SP2: variants seen among roughly 807,000 people sequenced by gnomAD.
The protein encoded by SP2 is Sp2 transcription factor, also known as transcription factor Sp2.
In SP2, 9 loss-of-function variants were observed where a neutral mutation model predicts 50.1. That is an observed-to-expected ratio of 0.18 (90% CI 0.11 to 0.31). The LOEUF (loss-of-function observed/expected upper bound fraction) is 0.31. Ranked by LOEUF, SP2 falls within the 10% of genes least tolerant of loss-of-function variation. The pLI is 1.00. For synonymous variants in SP2, 313 were observed against 326.6 expected (o/e 0.96, Z 0.45); for missense variants, 581 against 806.5 (o/e 0.72, Z 3.39).
intron 4 of SP2, 114 bp from the exon 5 acceptor site, chr17:47,924,805 C>A: frequency 3.3e-6 from 3 of 912,100 alleles, no homozygotes; most frequent in South Asian, 1.8e-5. Flanking sequence ...ATACAGCAGG[C>A]TCTCAAAAAT....
chr17:47,904,136 G>A (rs576246839), intron 1 of SP2, among the ~76,000 whole-genome samples: 1 of 150,692 alleles, frequency 6.6e-6, no homozygotes, highest in South Asian at 2.1e-4. Flanking sequence ...GTGGTGGCGG[G>A]CACCTGTAGT....
In SP2 at chr17:47,920,209, G is replaced by A. The variant is rs532565716; in HGVS notation, c.1060-2753G>A. 2.8e-3 allele frequency among the ~76,000 whole-genome samples: 432 copies of A among 152,064 alleles called. 3 individuals are homozygous for A. The highest frequency in any genetic ancestry group is 0.01 in the African/African-American group (420 of 41,482). On this transcript the variant is annotated intron_variant, in intron 3 of 6. Coordinates refer to ENST00000376741, the MANE Select transcript of SP2 (RefSeq NM_003110.6). ...CGGCTCTCTGCAACCTCCGCCTCCC[G>A]GGTTCAAGCGATTCTCCTGCCTCAG...
chr17:47,923,299 G>T, intron 4 of SP2, 25 bp downstream of exon 4: 6 of 1,573,432 alleles, frequency 3.8e-6, no homozygotes, highest in Non-Finnish European at 3.4e-6. Flanking sequence ...TGTGGCCAGG[G>T]TGTTGGCAGT....
intron 1 of SP2, chr17:47,899,634 G>A (rs2034461729): frequency 6.6e-6 from 1 of 152,206 alleles, no homozygotes. Flanking sequence ...TGCCTCTGGG[G>A]ACACTGAAAA....
intron 1 of SP2, among the ~76,000 whole-genome samples, chr17:47,913,874 C>G (rs16949418): frequency 6.6e-6 from 1 of 151,916 alleles, no homozygotes; most frequent in Admixed American, 6.5e-5. Flanking sequence ...AAAACTCAAC[C>G]GCTAGGAGAT....
At chr17:47,904,268 A>C (rs2034668195) in intron 1 of SP2, among the ~76,000 whole-genome samples, 1 of 151,658 alleles carries the variant, frequency 6.6e-6, no homozygotes, top group Non-Finnish European at 1.5e-5. Context: ...GTCCCAAAAA[A>C]AAAAAAAAAA....
In SP2 at chr17:47,916,752, C is replaced by A. The variant is rs2035222793; in HGVS notation, c.681C>A (p.Ala227=). The change falls in exon 3 of 7, where the codon GCC becomes GCA. Residue 227 remains alanine (A), a synonymous_variant. Transcript: ENST00000376741. This position sits in a 1 kb window ranked among gnomAD's most constrained non-coding sequence, Gnocchi z 4.7. ...TTGTGAACGCCAGTGACACCGGGGCCCCTACTCAGCTCCTCACTGAAAGCC... is the reference window on the plus strand; with the variant it reads ...TTGTGAACGCCAGTGACACCGGGGCACCTACTCAGCTCCTCACTGAAAGCC... The part of the protein sequence containing the change: ...NNLVNASDTG[A]PTQLLTESPP... 6.2e-7 allele frequency: 1 copy of A among 1,613,214 alleles called. No individual in the cohort carries two copies. The highest frequency in any genetic ancestry group is 1.1e-5 in the South Asian group (1 of 91,036).
At chr17:47,907,638 T>C (rs904364688) in intron 1 of SP2, among the ~76,000 whole-genome samples, 1 of 152,204 alleles carries the variant, frequency 6.6e-6, no homozygotes, top group African/African-American at 2.4e-5. Context: ...TGTTGTTAAG[T>C]GTTGGTTTCA....
Position 47,917,141 on chromosome 17 carries a change from C to T in SP2, c.1059+11C>T. 1 of 1,588,162 alleles carries T rather than the reference C, an allele frequency of 6.3e-7. No homozygotes were observed. Among genetic ancestry groups the T allele is most frequent in the Non-Finnish European group, 8.6e-7 (1 of 1,166,856 alleles). ...CCGACACCTACTCAGGTACCACACTCCCTGTACTGTCCTCCTTCTCCTCCT... is the reference window on the plus strand; with the variant it reads ...CCGACACCTACTCAGGTACCACACTTCCTGTACTGTCCTCCTTCTCCTCCT... On this transcript the variant is annotated intron_variant, in intron 3 of 6. Coordinates refer to ENST00000376741, the MANE Select transcript of SP2 (RefSeq NM_003110.6).
chr17:47,911,906 G>C (rs530365763), intron 1 of SP2, among the ~76,000 whole-genome samples: 1 of 152,052 alleles, frequency 6.6e-6, no homozygotes, highest in African/African-American at 2.4e-5. Flanking sequence ...ACCCCAGTTC[G>C]AGACACTTTG....
At chr17:47,924,804 G>T in intron 4 of SP2, 115 bp from the exon 5 acceptor site, 2 of 899,626 alleles carry the variant, frequency 2.2e-6, no homozygotes, top group South Asian at 3.7e-5. Context: ...CATACAGCAG[G>T]CTCTCAAAAA....
intron 4 of SP2, among the ~76,000 whole-genome samples, chr17:47,923,855 C>T (rs539572617): frequency 6.6e-6 from 1 of 152,030 alleles, no homozygotes; most frequent in Non-Finnish European, 1.5e-5. Context: ...ACGCCCACCA[C>T]CACGCCCGAC....
downstream of SP2, among the ~76,000 whole-genome samples, chr17:47,930,690 C>T (rs1193215401): frequency 1.3e-5 from 2 of 152,182 alleles, no homozygotes; most frequent in African/African-American, 2.4e-5. Flanking sequence ...AGTCTAAGCT[C>T]ACCCTAGGCA....
chr17:47,900,582 G>A (rs965074048), intron 1 of SP2, among the ~76,000 whole-genome samples: 2 of 152,170 alleles, frequency 1.3e-5, no homozygotes, highest in Admixed American at 6.5e-5. Flanking sequence ...TTCGAGACCA[G>A]CCTGGCTAAC....
At chr17:47,925,215 C>T (rs2035598934) in intron 5 of SP2, 122 bp downstream of exon 5, 1 of 1,424,718 alleles carries the variant, frequency 7.0e-7, no homozygotes, top group Non-Finnish European at 9.5e-7. Flanking sequence ...AGCTCTGTGC[C>T]ACCTTGCCCC....
Position 47,915,303 on chromosome 17 carries a change from T to C in SP2, c.8-9T>C. ...TTTATACATTACTCCATCTCTTTTC[T>C]TCCAACAGATCCACAGACCAGCATG... is the stretch of plus-strand genomic sequence containing the variant. On this transcript the variant is annotated splice_polypyrimidine_tract_variant and intron_variant, in intron 1 of 6. Transcript: ENST00000376741. 1 of 1,604,940 alleles carries C rather than the reference T, an allele frequency of 6.2e-7. No individual in the cohort carries two copies.
rs755041910 is a variant in SP2, at chr17:47,927,835, G to A, written c.*11G>A. 2.7e-5 allele frequency: 41 copies of A among 1,517,164 alleles called. No individual in the cohort carries two copies. Among genetic ancestry groups the A allele is most frequent in the Non-Finnish European group, 3.3e-5 (36 of 1,107,672 alleles). The allele number at this position is 1,517,164 out of a possible 1,614,324, so 94.0% of individuals were successfully genotyped here. A position where few individuals can be genotyped will look rare whatever the true frequency, so the allele number is the denominator to read the frequency against. The stretch of plus-strand genomic sequence containing the variant: ...ACGAAGAACTTGTAAGGCCAACTGC[G>A]GCGGGAGGCCCTGAAGATGCAGTCC... On this transcript the variant is annotated 3_prime_UTR_variant, in exon 7 of 7. Coordinates refer to ENST00000376741, the MANE Select transcript of SP2 (RefSeq NM_003110.6).
At chr17:47,925,587 C>G (rs763516510) in intron 6 of SP2, 46 bp downstream of exon 6, 16 of 1,484,844 alleles carry the variant, frequency 1.1e-5, no homozygotes, top group Non-Finnish European at 1.4e-5. Context: ...AGGTCAAATT[C>G]CTGCCTCTCC....
At chr17:47,912,333 C>G (rs967922935) in intron 1 of SP2, among the ~76,000 whole-genome samples, 2 of 152,210 alleles carry the variant, frequency 1.3e-5, no homozygotes, top group African/African-American at 4.8e-5. Flanking sequence ...AAAGTCTCCC[C>G]TCCTCTGGAG....
Sources: gnomAD v4.1 joint callset for allele counts (sites outside exome capture counted in the v4.1 genomes callset) on GRCh38, gnomAD v4.1.1 for gene constraint, Gnocchi (gnomAD v3.1) non-coding constraint, MANE v1.5 for transcripts, NCBI Gene and HGNC (gene_info 2026-07-23, HGNC 2026-07-21) for gene names.